Variants in DIP2C observed in about 807,000 individuals in gnomAD.
DIP2C encodes the protein DIP2 acetate--CoA ligase C (putative).
A neutral mutation model predicts 192.4 loss-of-function variants in DIP2C; 33 were observed. The observed-to-expected ratio is 0.17, with a 90% CI of 0.13 to 0.23. The LOEUF is 0.23. Ranked by LOEUF, DIP2C falls within the 10% of genes least tolerant of loss-of-function variation. The pLI is 1.00. For missense variants in DIP2C, 1,537 were observed against 2,110.1 expected, an observed-to-expected ratio of 0.73 and a Z score of 5.32; for synonymous variants, 979 against 864.1, an observed-to-expected ratio of 1.13 and a Z score of -2.33.
chr10:350,699 C>G (rs1054000566), intron 24 of DIP2C, among the ~76,000 whole-genome samples: 7 of 144,840 alleles, frequency 4.8e-5, no homozygotes, highest in Non-Finnish European at 8.9e-5. Flanking sequence ...AGTGCAGTGG[C>G]GCGATCTCAG....
intron 14 of DIP2C, among the ~76,000 whole-genome samples, chr10:386,570 A>G (rs953007915): frequency 6.6e-6 from 1 of 152,128 alleles, no homozygotes; most frequent in Non-Finnish European, 1.5e-5. Context: ...TTATCCCCCA[A>G]CAGCATCCAG....
At chr10:639,279 C>T (rs1855018207) in intron 1 of DIP2C, among the ~76,000 whole-genome samples, 1 of 139,206 alleles carries the variant, frequency 7.2e-6, no homozygotes, top group African/African-American at 2.7e-5. Context: ...ACGGTCCACA[C>T]GTGGGGACGC....
chr10:539,857 CA>C (rs1477559650), intron 1 of DIP2C, among the ~76,000 whole-genome samples: 1 of 152,200 alleles, frequency 6.6e-6, no homozygotes, highest in African/African-American at 2.4e-5. Context: ...CAGGATAAAG[CA>C]GACCTACAAT....
intron 36 of DIP2C, among the ~76,000 whole-genome samples, chr10:279,324 C>T (rs1193379898): frequency 3.9e-5 from 6 of 152,122 alleles, no homozygotes; most frequent in African/African-American, 1.4e-4. Context: ...ACTTTTATTA[C>T]GGCATTTGAA....
At chr10:442,244 T>C (rs2133275124) in intron 3 of DIP2C, among the ~76,000 whole-genome samples, 2 of 152,222 alleles carry the variant, frequency 1.3e-5, no homozygotes, top group African/African-American at 4.8e-5. Flanking sequence ...ATCAGACATG[T>C]CTTTCCTGCT....
At chr10:481,308 T>C (rs1843591924) in intron 2 of DIP2C, among the ~76,000 whole-genome samples, 1 of 152,180 alleles carries the variant, frequency 6.6e-6, no homozygotes, top group Non-Finnish European at 1.5e-5. Context: ...GTAACCAAAG[T>C]GCAAAATTCA....
intron 1 of DIP2C, among the ~76,000 whole-genome samples, chr10:558,132 G>A (rs191126568): frequency 1.4e-4 from 22 of 152,244 alleles, no homozygotes; most frequent in African/African-American, 5.3e-4. Flanking sequence ...GAAAGATAAC[G>A]CATTGTCTTA....
intron 31 of DIP2C, among the ~76,000 whole-genome samples, chr10:326,212 A>G (rs1024882416): frequency 2.6e-5 from 4 of 152,174 alleles, no homozygotes; most frequent in African/African-American, 7.2e-5. Flanking sequence ...AGAAAAATCA[A>G]GAAAAGCTTT....
At chr10:526,242 C>T (rs948219277) in intron 1 of DIP2C, among the ~76,000 whole-genome samples, 7 of 152,318 alleles carry the variant, frequency 4.6e-5, no homozygotes, top group African/African-American at 1.4e-4. Context: ...CCACTCTGAA[C>T]GTCCAAGTGG....
chr10:637,930 C>G (rs1016645438), intron 1 of DIP2C, among the ~76,000 whole-genome samples: 4 of 152,214 alleles, frequency 2.6e-5, no homozygotes, highest in African/African-American at 7.2e-5. Flanking sequence ...CAAGGCAGAG[C>G]TGACTGAGAG....
chr10:554,041 T>C (rs943580521), intron 1 of DIP2C, among the ~76,000 whole-genome samples: 2 of 151,316 alleles, frequency 1.3e-5, no homozygotes, highest in African/African-American at 4.9e-5. Flanking sequence ...CTTGTAACTG[T>C]AAGAGTGGCG....
Position 524,563 on chromosome 10 carries a change from C to T in DIP2C, c.86-38033G>A, listed in dbSNP as rs117015879. On this transcript the variant is annotated intron_variant, in intron 1 of 36. Transcript: ENST00000280886. ...AAACCATAGTTGAGATTTCAAATCT[C>T]AAAGATCTCAGAAGCAAATTACTAT... is the stretch of plus-strand genomic sequence containing the variant. 6.2e-4 allele frequency among the ~76,000 whole-genome samples: 95 copies of T among 152,206 alleles called. 4 individuals are homozygous for T. In the East Asian group the frequency reaches 0.017, roughly 28 times the overall value.
chr10:658,375 C>T (rs1856543549), intron 1 of DIP2C, among the ~76,000 whole-genome samples: 1 of 151,986 alleles, frequency 6.6e-6, no homozygotes, highest in Admixed American at 6.5e-5. Context: ...GCCGCTGGAC[C>T]TGACACTGGA....
At chr10:464,613 G>A (rs1970060809) in intron 3 of DIP2C, among the ~76,000 whole-genome samples, 1 of 152,136 alleles carries the variant, frequency 6.6e-6, no homozygotes, top group African/African-American at 2.4e-5. Context: ...ATTTGATCAA[G>A]CAATCCCATT....
chr10:486,327 C>A (rs936751401), intron 2 of DIP2C, 132 bp downstream of exon 2: 3 of 748,874 alleles, frequency 4.0e-6, no homozygotes, highest in Admixed American at 2.8e-5. Context: ...GAACTGAATG[C>A]CTGGAGGGTG....
chr10:430,590 A>G (rs1332454620), intron 4 of DIP2C: 2 of 152,192 alleles, frequency 1.3e-5, no homozygotes, highest in African/African-American at 2.4e-5. Flanking sequence ...GTTATCATTT[A>G]TGTCTTTTGC....
chr10:299,821 C>G (rs904224956), intron 32 of DIP2C, among the ~76,000 whole-genome samples: 2 of 151,952 alleles, frequency 1.3e-5, no homozygotes, highest in Non-Finnish European at 2.9e-5. Context: ...GCAAACCAAA[C>G]AAAGAAACCA....
chr10:467,087 T>C (rs527847466), intron 3 of DIP2C, among the ~76,000 whole-genome samples: 1 of 152,020 alleles, frequency 6.6e-6, no homozygotes, highest in East Asian at 1.9e-4. Flanking sequence ...TGCACACGTA[T>C]GTTTATTGCG....
intron 31 of DIP2C, chr10:311,524 G>A (rs1244297993): frequency 4.9e-6 from 6 of 1,232,376 alleles, no homozygotes; most frequent in Non-Finnish European, 6.1e-6. Flanking sequence ...TGATGGACAG[G>A]AAAGTCCCCT....
Sources: allele counts gnomAD v4.1 joint callset (sites outside exome capture counted in the v4.1 genomes callset), GRCh38; gene constraint gnomAD v4.1.1; transcripts MANE v1.5; gene names NCBI Gene and HGNC (gene_info 2026-07-23, HGNC 2026-07-21).